The following PKIA variants were observed in gnomAD, a reference collection of about 807,000 sequenced individuals.
PKIA encodes PKI-alpha.
PKIA carries 4 observed loss-of-function variants against 7.6 expected under a neutral mutation model. That is an observed-to-expected ratio of 0.52 (90% CI 0.26 to 1.20). The LOEUF (loss-of-function observed/expected upper bound fraction) is 1.20. PKIA is among the 50% of genes most tolerant of loss of function. PKIA has a pLI of 0.13. For missense variants in PKIA, 73 were observed against 86.2 expected, an observed-to-expected ratio of 0.85 and a Z score of 0.61; for synonymous variants, 21 against 30.7, an observed-to-expected ratio of 0.68 and a Z score of 1.04.
At chr8:78,575,627 G>A (rs1267833449) in intron 2 of PKIA, among the ~76,000 whole-genome samples, 1 of 151,950 alleles carries the variant, frequency 6.6e-6, no homozygotes, top group East Asian at 1.9e-4. Context: ...ATCTTAACAT[G>A]TGTAACCACG....
intron 1 of PKIA, among the ~76,000 whole-genome samples, chr8:78,572,537 G>GCATGCACA (rs1807574074): frequency 8.7e-6 from 1 of 115,576 alleles, no homozygotes; most frequent in African/African-American, 3.9e-5. Flanking sequence ...AAAAAAAGCT[G>GCATGCACA]CACGCACACA....
intron 1 of PKIA, among the ~76,000 whole-genome samples, chr8:78,520,864 G>A (rs1294845590): frequency 6.6e-6 from 1 of 152,134 alleles, no homozygotes; most frequent in African/African-American, 2.4e-5. Context: ...TGGACAATAT[G>A]TGTGTCCTTT....
At chr8:78,568,302 CACTTG>C (rs1807465676) in intron 1 of PKIA, among the ~76,000 whole-genome samples, 1 of 152,294 alleles carries the variant, frequency 6.6e-6, no homozygotes, top group Middle Eastern at 3.4e-3. Flanking sequence ...TTCAACAGAA[CACTTG>C]ACTTCTGCAA....
chr8:78,602,035 T>C lies in PKIA; in HGVS notation c.*214T>C. ...GTCATTAGCAATGGTTGAAATCATG[T>C]GGCTTGTGTTTGGGCGTCATTTTTG... On this transcript the variant is annotated 3_prime_UTR_variant, in exon 4 of 4. Coordinates refer to ENST00000396418, the MANE Select transcript of PKIA (RefSeq NM_006823.4). 1.8e-6 allele frequency: 1 copy of C among 558,336 alleles called. No individual in the cohort carries two copies. The allele number at this position is 558,336 out of a possible 1,614,324, so 34.6% of individuals were successfully genotyped here.
chr8:78,537,696 G>A (rs1391908747), intron 1 of PKIA, among the ~76,000 whole-genome samples: 1 of 145,770 alleles, frequency 6.9e-6, no homozygotes, highest in African/African-American at 2.5e-5. Flanking sequence ...CTGGCACATA[G>A]GAGCCACTCA....
At chr8:78,583,337 TA>T (rs893928045) in intron 2 of PKIA, among the ~76,000 whole-genome samples, 3 of 152,118 alleles carry the variant, frequency 2.0e-5, no homozygotes, top group Non-Finnish European at 2.9e-5. Flanking sequence ...GCAAATATTG[TA>T]AAAATTATGG....
At position 78,604,310 on chromosome 8, in the gene PKIA, A is replaced by G. The variant is rs1426480978; in HGVS notation, c.*2489A>G. On this transcript the variant is annotated 3_prime_UTR_variant, in exon 4 of 4. Transcript: ENST00000396418. ...TTTATCCAATTTCACAGATTAAAAT[A>G]TAAGCACTCAATAAAATATAACCTT... 1 of 152,064 alleles carries G rather than the reference A, an allele frequency of 6.6e-6. No homozygotes were observed. The highest frequency in any genetic ancestry group is 1.5e-5 in the Non-Finnish European group (1 of 67,974). The allele number at this position is 152,064 out of a possible 1,614,324, so 9.4% of individuals were successfully genotyped here. A position where few individuals can be genotyped will look rare whatever the true frequency, so the allele number is the denominator to read the frequency against.
Position 78,555,533 on chromosome 8 carries a change from C to T in PKIA, c.-156-17278C>T, listed in dbSNP as rs537706212. Among the ~76,000 whole-genome samples the T allele has an allele frequency of 2.6e-5, 4 of 152,096 alleles. No homozygotes were observed. The East Asian group carries it at 7.7e-4, about 29-fold the overall frequency. ...TGGAGAGAAGTAGTCATTCAAAAGG[C>T]TCAAAATATAGGAAAACAAAAATAA... On this transcript the variant is annotated intron_variant, in intron 1 of 3. Transcript: ENST00000396418.
chr8:78,576,537 T>C (rs989547468), intron 2 of PKIA, among the ~76,000 whole-genome samples: 5 of 152,000 alleles, frequency 3.3e-5, no homozygotes, highest in African/African-American at 1.2e-4. Context: ...CAGTGCTGTC[T>C]AACGTTGTAT....
At chr8:78,548,194 T>C (rs1202791825) in intron 1 of PKIA, among the ~76,000 whole-genome samples, 1 of 152,170 alleles carries the variant, frequency 6.6e-6, no homozygotes, top group Non-Finnish European at 1.5e-5. Context: ...ACATGTAGTA[T>C]ATTAATAGCC....
At position 78,564,443 on chromosome 8, in the gene PKIA, CA is replaced by C. The variant is rs200264226; in HGVS notation, c.-156-8362del. Among the ~76,000 whole-genome samples, 714 of 151,838 alleles carry C rather than the reference CA, an allele frequency of 4.7e-3. 7 individuals carry two copies. The highest frequency in any genetic ancestry group is 0.016 in the South Asian group (76 of 4,816). On this transcript the variant is annotated intron_variant, in intron 1 of 3. Transcript: ENST00000396418. ...TGTGATGTTCAACTTTAATAGTTAT[CA>C]AAAAATTTAAAGAAATGGAACATGA...
chr8:78,573,112 A>G (rs1807592360), intron 2 of PKIA, among the ~76,000 whole-genome samples, 173 bp downstream of exon 2: 2 of 152,210 alleles, frequency 1.3e-5, no homozygotes, highest in South Asian at 2.1e-4. Flanking sequence ...GGAAACTCAT[A>G]CAATAACAGC....
At chr8:78,527,527 G>C (rs1453218262) in intron 1 of PKIA, among the ~76,000 whole-genome samples, 1 of 151,834 alleles carries the variant, frequency 6.6e-6, no homozygotes, top group Non-Finnish European at 1.5e-5. Flanking sequence ...AGTTTAACAA[G>C]GAAAACTTAT....
intron 1 of PKIA, among the ~76,000 whole-genome samples, chr8:78,548,870 ATATCATAC>A (rs1326663512): frequency 6.6e-6 from 1 of 152,128 alleles, no homozygotes; most frequent in Non-Finnish European, 1.5e-5. Flanking sequence ...TAATTATAAA[ATATCATAC>A]TATCATACTC....
chr8:78,602,878 G>A lies in PKIA; in HGVS notation c.*1057G>A, dbSNP rs893667948. 3 of 152,196 alleles carry A rather than the reference G, an allele frequency of 2.0e-5. No individual in the cohort carries two copies. Among genetic ancestry groups the A allele is most frequent in the African/African-American group, 7.3e-5 (3 of 41,336 alleles). The allele number at this position is 152,196 out of a possible 1,614,324, so 9.4% of individuals were successfully genotyped here. A position where few individuals can be genotyped will look rare whatever the true frequency, so the allele number is the denominator to read the frequency against. ...TTATCTTCACTAAGCTGAATCAGGT[G>A]GAGAAAGTAATCTCCTTGCAATCAT... On this transcript the variant is annotated 3_prime_UTR_variant, in exon 4 of 4. Transcript: ENST00000396418.
intron 1 of PKIA, among the ~76,000 whole-genome samples, chr8:78,555,025 C>T (rs1234619939): frequency 2.0e-5 from 3 of 151,920 alleles, no homozygotes; most frequent in Non-Finnish European, 4.4e-5. Context: ...TGGCAATCTG[C>T]GTTTTCTGCA....
At chr8:78,578,375 C>G (rs1807725981) in intron 2 of PKIA, among the ~76,000 whole-genome samples, 2 of 152,084 alleles carry the variant, frequency 1.3e-5, no homozygotes, top group South Asian at 4.1e-4. Context: ...TTACGGCATG[C>G]TGTAGCTGCA....
At chr8:78,522,425 G>A (rs1187327318) in intron 1 of PKIA, among the ~76,000 whole-genome samples, 2 of 151,792 alleles carry the variant, frequency 1.3e-5, no homozygotes, top group African/African-American at 4.8e-5. Flanking sequence ...TTTATAGTTT[G>A]AGTACTCTAG....
At chr8:78,544,991 A>G (rs1806785317) in intron 1 of PKIA, among the ~76,000 whole-genome samples, 1 of 152,148 alleles carries the variant, frequency 6.6e-6, no homozygotes. Flanking sequence ...TTATTATTAA[A>G]GAATCTCCCA....
Sources: allele counts gnomAD v4.1 joint callset (sites outside exome capture counted in the v4.1 genomes callset), GRCh38; gene constraint gnomAD v4.1.1; transcripts MANE v1.5; gene names NCBI Gene and HGNC (gene_info 2026-07-23, HGNC 2026-07-21).